The following CNTNAP2 variants were observed in gnomAD, a reference collection of about 807,000 sequenced individuals.
The protein encoded by CNTNAP2 is contactin associated protein 2.
Under a neutral mutation model 155.2 loss-of-function variants are expected in CNTNAP2, and 98 were observed. The ratio of observed to expected loss-of-function variants is 0.63; its 90% CI spans 0.54 to 0.75. The LOEUF is 0.75. Among genes scored for constraint, CNTNAP2 ranks in the 30% least tolerant of loss-of-function variants. The pLI, the probability that CNTNAP2 is intolerant of heterozygous loss-of-function variation, is 0.00. For missense variants in CNTNAP2, 1,727 were observed against 1,688.1 expected, an observed-to-expected ratio of 1.02 and a Z score of -0.40; for synonymous variants, 651 against 631.2, an observed-to-expected ratio of 1.03 and a Z score of -0.47.
intron 8 of CNTNAP2, among the ~76,000 whole-genome samples, chr7:147,211,722 A>T (rs2116572965): frequency 6.6e-6 from 1 of 152,198 alleles, no homozygotes; most frequent in African/African-American, 2.4e-5. Flanking sequence ...CCTAAGAAAC[A>T]ACATTCTGGA....
chr7:147,942,617 A>T (rs1800745641), intron 14 of CNTNAP2, among the ~76,000 whole-genome samples: 1 of 152,136 alleles, frequency 6.6e-6, no homozygotes, highest in Non-Finnish European at 1.5e-5. Flanking sequence ...ATTTCCTTAG[A>T]GTCACAATTG....
chr7:147,039,026 C>T (rs10255503), intron 3 of CNTNAP2, among the ~76,000 whole-genome samples: 73,563 of 151,896 alleles, frequency 0.48, 18,148 homozygotes, highest in South Asian at 0.57. Flanking sequence ...TTGCTACCCC[C>T]ACAAACAGGC....
At chr7:147,887,738 G>A (rs540205865) in intron 13 of CNTNAP2, among the ~76,000 whole-genome samples, 1 of 152,078 alleles carries the variant, frequency 6.6e-6, no homozygotes, top group Non-Finnish European at 1.5e-5. Context: ...ACAAAATCCA[G>A]GGGGTTAGAC....
At position 146,839,897 on chromosome 7, in the gene CNTNAP2, A is replaced by C; in HGVS notation, c.395A>C (p.Asn132Thr). 1 of 1,614,190 alleles carries C rather than the reference A, an allele frequency of 6.2e-7. No individual in the cohort carries two copies. Among genetic ancestry groups the C allele is most frequent in the Non-Finnish European group, 8.5e-7 (1 of 1,180,032 alleles). Residue 132 changes from asparagine (N) to threonine (T), a missense_variant, in exon 3 of 24, where the codon AAT becomes ACT. Physicochemically the swap from Asn to Thr is moderately conservative, Grantham distance 65. Transcript: ENST00000361727. The stretch of plus-strand genomic sequence containing the variant: ...TGGAAACCCTATCATCAAGATGGGA[A>C]TATCTGGGTAAGTCATTGGCAGGAA... ...RNWKPYHQDG[N>T]IWAFPGNINS... is the part of the protein sequence containing the mutation.
chr7:148,368,453 G>A (rs1024065049), intron 21 of CNTNAP2, among the ~76,000 whole-genome samples: 1 of 152,124 alleles, frequency 6.6e-6, no homozygotes, highest in Non-Finnish European at 1.5e-5. Context: ...CATGAGTTTT[G>A]GGGGCAAATT....
At chr7:146,726,810 A>C (rs989835702) in intron 1 of CNTNAP2, among the ~76,000 whole-genome samples, 6 of 152,116 alleles carry the variant, frequency 3.9e-5, no homozygotes, top group Non-Finnish European at 8.8e-5. Flanking sequence ...TAATAATGCC[A>C]TTGTCATGTT....
At chr7:146,537,877 T>C (rs1797893675) in intron 1 of CNTNAP2, among the ~76,000 whole-genome samples, 1 of 152,000 alleles carries the variant, frequency 6.6e-6, no homozygotes, top group East Asian at 1.9e-4. Context: ...GGTAGGTAGA[T>C]TGAATGAAAC....
At chr7:148,305,916 A>G (rs1797482896) in intron 21 of CNTNAP2, among the ~76,000 whole-genome samples, 1 of 152,168 alleles carries the variant, frequency 6.6e-6, no homozygotes, top group Non-Finnish European at 1.5e-5. Flanking sequence ...GGATGGCATG[A>G]GATCCCCCTC....
At chr7:147,903,384 T>C (rs922967851) in intron 13 of CNTNAP2, among the ~76,000 whole-genome samples, 181 bp from the exon 14 acceptor site, 1 of 152,208 alleles carries the variant, frequency 6.6e-6, no homozygotes, top group African/African-American at 2.4e-5. Context: ...CTTTGTCAGA[T>C]AGATAGACTG....
intron 1 of CNTNAP2, among the ~76,000 whole-genome samples, chr7:146,646,263 T>G (rs374528864): frequency 3.9e-5 from 6 of 152,144 alleles, no homozygotes; most frequent in Admixed American, 1.3e-4. Flanking sequence ...ACATGTTCAT[T>G]GTCTGTTTCT....
At chr7:146,444,627 G>A (rs974791098) in intron 1 of CNTNAP2, among the ~76,000 whole-genome samples, 1 of 151,182 alleles carries the variant, frequency 6.6e-6, no homozygotes, top group African/African-American at 2.4e-5. Flanking sequence ...TTTTCCAAGA[G>A]CACATGCTTC....
intron 10 of CNTNAP2, among the ~76,000 whole-genome samples, chr7:147,469,663 C>T (rs1031315693): frequency 3.4e-4 from 51 of 151,588 alleles, no homozygotes; most frequent in African/African-American, 1.0e-3. Flanking sequence ...GGACTACAGG[C>T]GCCCGCCACC....
At chr7:147,206,591 G>A (rs1360693128) in intron 8 of CNTNAP2, among the ~76,000 whole-genome samples, 1 of 151,888 alleles carries the variant, frequency 6.6e-6, no homozygotes, top group Non-Finnish European at 1.5e-5. Context: ...ATTAGCAGAG[G>A]CTTTTAAACA....
At chr7:148,409,741 AC>A (rs1231837863) in intron 23 of CNTNAP2, among the ~76,000 whole-genome samples, 1 of 149,316 alleles carries the variant, frequency 6.7e-6, no homozygotes, top group Admixed American at 6.6e-5. Flanking sequence ...ACATGGCAAA[AC>A]CCCATATCTA....
At chr7:147,219,199 AG>A (rs1282167633) in intron 8 of CNTNAP2, among the ~76,000 whole-genome samples, 1 of 152,152 alleles carries the variant, frequency 6.6e-6, no homozygotes, top group African/African-American at 2.4e-5. Context: ...GGTTCTTTAA[AG>A]GGACAGAACT....
At chr7:147,718,380 T>A (rs998866366) in intron 13 of CNTNAP2, among the ~76,000 whole-genome samples, 1 of 152,158 alleles carries the variant, frequency 6.6e-6, no homozygotes, top group African/African-American at 2.4e-5. Flanking sequence ...AGTTTCTTAA[T>A]TAACTTGTGA....
intron 9 of CNTNAP2, among the ~76,000 whole-genome samples, chr7:147,355,264 C>T (rs1210828855): frequency 2.6e-5 from 4 of 151,986 alleles, no homozygotes; most frequent in East Asian, 1.9e-4. Context: ...ACACAATGTA[C>T]CAGAATCTCT....
At chr7:148,239,758 A>T (rs1262310057) in intron 20 of CNTNAP2, among the ~76,000 whole-genome samples, 1 of 152,138 alleles carries the variant, frequency 6.6e-6, no homozygotes, top group African/African-American at 2.4e-5. Context: ...TGAAGTTTTA[A>T]ACTCAGGCCA....
At chr7:146,936,409 C>A (rs1563010717) in intron 3 of CNTNAP2, among the ~76,000 whole-genome samples, 4 of 152,192 alleles carry the variant, frequency 2.6e-5, no homozygotes. Flanking sequence ...CTCATTCCCA[C>A]CTTGCAAAAC....
Sources: allele counts gnomAD v4.1 joint callset (sites outside exome capture counted in the v4.1 genomes callset), GRCh38; gene constraint gnomAD v4.1.1; transcripts MANE v1.5; gene names NCBI Gene and HGNC (gene_info 2026-07-23, HGNC 2026-07-21).